NR5A2: variants seen among roughly 807,000 people sequenced by gnomAD.
NR5A2 encodes CYP7A promoter-binding factor.
NR5A2 carries 26 observed loss-of-function variants against 62.7 expected under a neutral mutation model. That is an observed-to-expected ratio of 0.41 (90% CI 0.30 to 0.58). The LOEUF (loss-of-function observed/expected upper bound fraction) is 0.58. NR5A2 is among the 20% of genes least tolerant of loss of function. NR5A2 has a pLI of 0.22. For synonymous variants in NR5A2, 246 were observed against 241.7 expected (o/e 1.02, Z -0.16); for missense variants, 541 against 669.1 (o/e 0.81, Z 2.11).
intron 5 of NR5A2, among the ~76,000 whole-genome samples, chr1:200,110,458 A>G (rs2816977): frequency 0.91 from 138,597 of 152,290 alleles, 63,118 homozygotes; most frequent in East Asian, 0.97. Context: ...TAAGATCCCC[A>G]TTATAATGTA....
chr1:200,128,565 G>A (rs1363562911), intron 7 of NR5A2, among the ~76,000 whole-genome samples: 1 of 152,042 alleles, frequency 6.6e-6, no homozygotes, highest in Non-Finnish European at 1.5e-5. Context: ...TGCTTGTGAT[G>A]GTAAAAGGAA....
chr1:200,172,901 G>T (rs1416120542), intron 7 of NR5A2, among the ~76,000 whole-genome samples: 1 of 152,120 alleles, frequency 6.6e-6, no homozygotes, highest in Non-Finnish European at 1.5e-5. Context: ...GCAGGGCAGG[G>T]TGGCTGCATC....
chr1:200,120,812 A>G lies in NR5A2; in HGVS notation c.1235A>G (p.Asp412Gly). 3 of 1,547,182 alleles carry G rather than the reference A, an allele frequency of 1.9e-6. No individual in the cohort carries two copies. The highest frequency in any genetic ancestry group is 1.7e-6 in the Non-Finnish European group (2 of 1,151,650). ...SIFLVTGQQV[D>G]YSIIASQAGA... The stretch of plus-strand genomic sequence containing the variant: ...AACTGTGATTCTGTATTGCAGGTGG[A>G]CTATTCCATAATAGCATCACAAGCC... The change falls in exon 7 of 8, where the codon GAC becomes GGC. Residue 412 changes from aspartate (D) to glycine (G), a missense_variant. Asp to Gly is a moderately conservative substitution (Grantham distance 94). Transcript: ENST00000367362.
intron 7 of NR5A2, among the ~76,000 whole-genome samples, chr1:200,145,329 C>T (rs1667644827): frequency 1.3e-5 from 2 of 151,938 alleles, no homozygotes; most frequent in African/African-American, 4.8e-5. Context: ...TTTTTTAGAA[C>T]TACCAAATTG....
intron 7 of NR5A2, among the ~76,000 whole-genome samples, chr1:200,143,712 G>A (rs11799378): frequency 0.51 from 75,405 of 147,984 alleles, 21,136 homozygotes; most frequent in Middle Eastern, 0.64. Context: ...GTGCGATCTC[G>A]GCTCCTGCAA....
At chr1:200,131,645 G>A (rs1181314802) in intron 7 of NR5A2, among the ~76,000 whole-genome samples, 1 of 152,198 alleles carries the variant, frequency 6.6e-6, no homozygotes, top group East Asian at 1.9e-4. Context: ...TAGAGTGGCT[G>A]TCTTAGTACC....
chr1:200,175,029 C>T lies in NR5A2; in HGVS notation c.*819C>T, dbSNP rs1279418319. 2 of 152,600 alleles carry T rather than the reference C, an allele frequency of 1.3e-5. No homozygotes were observed. The highest frequency in any genetic ancestry group is 3.8e-4 in the East Asian group (2 of 5,198). 9.5% of individuals were successfully genotyped at this position (152,600 alleles called of 1,614,324 possible). A position where few individuals can be genotyped will look rare whatever the true frequency, so the allele number is the denominator to read the frequency against. On this transcript the variant is annotated 3_prime_UTR_variant, in exon 8 of 8. Transcript: ENST00000367362. Reference sequence around the variant, plus strand: ...GCTCCATAGCTAAAGCAACTTAGACCTTATTTCTGCTACTGTTGCTGAAAT... The same window carrying T: ...GCTCCATAGCTAAAGCAACTTAGACTTTATTTCTGCTACTGTTGCTGAAAT...
At chr1:200,105,942 C>T (rs1426911592) in intron 5 of NR5A2, among the ~76,000 whole-genome samples, 2 of 152,036 alleles carry the variant, frequency 1.3e-5, no homozygotes, top group Admixed American at 6.6e-5. Flanking sequence ...AAAATAACAG[C>T]TCACTTGCTG....
Position 200,039,553 on chromosome 1 carries a change from G to A in NR5A2, c.65-105G>A, listed in dbSNP as rs1571697953. 4.5e-6 allele frequency: 7 copies of A among 1,539,692 alleles called. No homozygotes were observed. In the East Asian group the frequency reaches 1.7e-4, roughly 37 times the overall value. ...AGAGGTCCTGCCCGGCAGCCCCGAGGAGGCGGAGGCACGCTCCGGCGAGGC... is the reference window on the plus strand; with the variant it reads ...AGAGGTCCTGCCCGGCAGCCCCGAGAAGGCGGAGGCACGCTCCGGCGAGGC... On this transcript the variant is annotated intron_variant, in intron 1 of 7. Coordinates refer to ENST00000367362, the MANE Select transcript of NR5A2 (RefSeq NM_205860.3). This position sits in a 1 kb window ranked among gnomAD's most constrained non-coding sequence, Gnocchi z 5.1.
At chr1:200,043,075 C>T in intron 2 of NR5A2, 1 of 856,476 alleles carries the variant, frequency 1.2e-6, no homozygotes, top group Non-Finnish European at 1.4e-6. Flanking sequence ...GGTATTTTTC[C>T]CCGTACGGGC....
chr1:200,142,523 T>G (rs1037447154), intron 7 of NR5A2, among the ~76,000 whole-genome samples: 8 of 151,158 alleles, frequency 5.3e-5, no homozygotes, highest in African/African-American at 2.0e-4. Flanking sequence ...TAAAAAAAAA[T>G]TATTATTATC....
intron 7 of NR5A2, among the ~76,000 whole-genome samples, chr1:200,152,336 TTC>T (rs1195838923): frequency 6.6e-6 from 1 of 152,216 alleles, no homozygotes; most frequent in Non-Finnish European, 1.5e-5. Context: ...GTTCATTACT[TTC>T]TGATAGTTAT....
At chr1:200,146,141 G>C (rs947859969) in intron 7 of NR5A2, among the ~76,000 whole-genome samples, 2 of 152,036 alleles carry the variant, frequency 1.3e-5, no homozygotes, top group Non-Finnish European at 2.9e-5. Flanking sequence ...TATTAACAAG[G>C]TTACTAAATA....
intron 7 of NR5A2, among the ~76,000 whole-genome samples, chr1:200,141,952 T>A (rs1667459620): frequency 6.6e-6 from 1 of 152,196 alleles, no homozygotes; most frequent in Non-Finnish European, 1.5e-5. Flanking sequence ...TAGAGGGCAC[T>A]GAAGAATTCT....
At chr1:200,061,706 G>A (rs779474788) in intron 5 of NR5A2, among the ~76,000 whole-genome samples, 79 of 152,254 alleles carry the variant, frequency 5.2e-4, no homozygotes, top group Non-Finnish European at 6.8e-4. Flanking sequence ...TAAGAGCCTC[G>A]CAAAGGTGGA....
In NR5A2 at chr1:200,073,268, T is replaced by TTATA. The variant is rs371537456; in HGVS notation, c.1110+24470_1110+24473dup. 1.6e-3 allele frequency among the ~76,000 whole-genome samples: 174 copies of TTATA among 111,204 alleles called. 9 individuals are homozygous for TTATA. The highest frequency in any genetic ancestry group is 1.8e-3 in the Non-Finnish European group (96 of 54,516). The allele number at this position is 111,204 out of a possible 152,430, so 73.0% of individuals were successfully genotyped here. A position where few individuals can be genotyped will look rare whatever the true frequency, so the allele number is the denominator to read the frequency against. ...TATATATATATATATATATTCCCCTTTATATATATATATATATATATATTC... is the reference window on the plus strand; with the variant it reads ...TATATATATATATATATATTCCCCTTTATATATATATATATATATATATATATTC... On this transcript the variant is annotated intron_variant, in intron 5 of 7. Coordinates refer to ENST00000367362, the MANE Select transcript of NR5A2 (RefSeq NM_205860.3).
At chr1:200,129,457 G>A (rs1269987213) in intron 7 of NR5A2, among the ~76,000 whole-genome samples, 1 of 152,170 alleles carries the variant, frequency 6.6e-6, no homozygotes, top group South Asian at 2.1e-4. Context: ...CAATCAGAAC[G>A]TCTTTCTCCT....
At chr1:200,124,985 A>T (rs1036563486) in intron 7 of NR5A2, among the ~76,000 whole-genome samples, 1 of 152,218 alleles carries the variant, frequency 6.6e-6, no homozygotes, top group Admixed American at 6.5e-5. Flanking sequence ...AGGTAATAGG[A>T]GGTGGTTTAG....
chr1:200,095,130 A>T (rs368439311), intron 5 of NR5A2, among the ~76,000 whole-genome samples: 12 of 2,532 alleles, frequency 4.7e-3, no homozygotes, highest in Non-Finnish European at 0.015. Context: ...TAATAAAAAG[A>T]AAAAAAAAAA....
Sources: allele counts gnomAD v4.1 joint callset (sites outside exome capture counted in the v4.1 genomes callset), GRCh38; gene constraint gnomAD v4.1.1; non-coding constraint Gnocchi (gnomAD v3.1); transcripts MANE v1.5; gene names NCBI Gene and HGNC (gene_info 2026-07-23, HGNC 2026-07-21).